TMEM67: variants seen among roughly 807,000 people sequenced by gnomAD.
TMEM67 encodes meckelin.
Under a neutral mutation model 136.6 loss-of-function variants are expected in TMEM67, and 124 were observed. The ratio of observed to expected loss-of-function variants is 0.91; its 90% confidence interval spans 0.78 to 1.05. The LOEUF is 1.05. Ranked by LOEUF, TMEM67 falls within the 50% of genes least tolerant of loss-of-function variation. The pLI, the probability that TMEM67 is intolerant of heterozygous loss-of-function variation, is 0.00. For missense variants in TMEM67, 1,107 were observed against 1,178.4 expected, an observed-to-expected ratio of 0.94 and a Z score of 0.89; for synonymous variants, 364 against 390.5, an observed-to-expected ratio of 0.93 and a Z score of 0.80.
chr8:93,791,106 CTATT>C, intron 14 of TMEM67, 153 bp from the exon 15 acceptor site: 1 of 581,924 alleles, frequency 1.7e-6, no homozygotes, highest in Non-Finnish European at 3.1e-6. Flanking sequence ...AAAAGCATAT[CTATT>C]TACGTGTAAG....
At chr8:93,781,370 TGAG>T (rs1813819510) in intron 9 of TMEM67, among the ~76,000 whole-genome samples, 1 of 152,218 alleles carries the variant, frequency 6.6e-6, no homozygotes, top group Non-Finnish European at 1.5e-5. Context: ...CCTTCCAGAA[TGAG>T]GAGATACTAT....
intron 21 of TMEM67, among the ~76,000 whole-genome samples, chr8:93,800,724 T>C (rs1814835393): frequency 6.6e-6 from 1 of 152,136 alleles, no homozygotes; most frequent in Non-Finnish European, 1.5e-5. Flanking sequence ...TTCTTGTCAA[T>C]AGTGGGGCTC....
intron 7 of TMEM67, among the ~76,000 whole-genome samples, chr8:93,778,197 A>G (rs1813645175): frequency 1.3e-5 from 2 of 152,012 alleles, no homozygotes; most frequent in South Asian, 2.1e-4. Flanking sequence ...TTTGCTTTCC[A>G]TTTGCTTGGT....
chr8:93,780,160 G>C (rs1248635121), intron 7 of TMEM67, among the ~76,000 whole-genome samples: 1 of 151,958 alleles, frequency 6.6e-6, no homozygotes, highest in South Asian at 2.1e-4. Context: ...GGCTCTGTAG[G>C]CGTGGGACCC....
At chr8:93,770,374 A>C (rs1229665920) in intron 6 of TMEM67, among the ~76,000 whole-genome samples, 1 of 152,188 alleles carries the variant, frequency 6.6e-6, no homozygotes. Context: ...AGGAATTTAA[A>C]ATTAACATAA....
At chr8:93,763,177 A>G in intron 3 of TMEM67, 1 of 194,120 alleles carries the variant, frequency 5.2e-6, no homozygotes, top group Non-Finnish European at 1.1e-5. Context: ...TGATCCACCC[A>G]CCTTAGCCTC....
intron 14 of TMEM67, among the ~76,000 whole-genome samples, chr8:93,788,233 A>G (rs1360490487): frequency 1.3e-5 from 2 of 152,126 alleles, no homozygotes; most frequent in Admixed American, 6.5e-5. Flanking sequence ...GAGATGTTCA[A>G]TGTCTGCTCC....
the TMEM67 span, among the ~76,000 whole-genome samples, chr8:93,825,298 G>GA: frequency 7.2e-5 from 11 of 152,136 alleles, no homozygotes; most frequent in Non-Finnish European, 1.5e-4. Flanking sequence ...CAGTGCTCCA[G>GA]AAAAAACAGT....
chr8:93,794,309 TTTTA>T (rs1814513525), intron 16 of TMEM67, among the ~76,000 whole-genome samples: 1 of 152,222 alleles, frequency 6.6e-6, no homozygotes, highest in Non-Finnish European at 1.5e-5. Flanking sequence ...ATAGTCCACA[TTTTA>T]TTCTATTAAC....
chr8:93,827,607 A>G, the TMEM67 span, among the ~76,000 whole-genome samples: 24 of 123,220 alleles, frequency 1.9e-4, no homozygotes, highest in African/African-American at 7.3e-4. Flanking sequence ...TTTTTTGCCT[A>G]ATTTTTTGGC....
downstream of TMEM67, among the ~76,000 whole-genome samples, chr8:93,823,140 G>T (rs1339957142): frequency 6.6e-6 from 1 of 152,160 alleles, no homozygotes; most frequent in African/African-American, 2.4e-5. Context: ...CAACATAAAA[G>T]TATCATCTTA....
chr8:93,755,327 A>G lies in TMEM67; in HGVS notation c.223+190A>G, dbSNP rs532314661. ...GAGCCACCGCGCCTGGCCCGAATACATGTATATTGTTTAGTGACGTAGAAA... is the reference window on the plus strand; with the variant it reads ...GAGCCACCGCGCCTGGCCCGAATACGTGTATATTGTTTAGTGACGTAGAAA... On this transcript the variant is annotated intron_variant, in intron 1 of 27. Coordinates refer to ENST00000453321, the MANE Select transcript of TMEM67 (RefSeq NM_153704.6). Among the ~76,000 whole-genome samples, 5 of 152,264 alleles carry G rather than the reference A, an allele frequency of 3.3e-5. No individual in the cohort carries two copies. The South Asian group carries it at 1.0e-3, about 32-fold the overall frequency.
At chr8:93,771,950 C>T (rs955150242) in intron 6 of TMEM67, among the ~76,000 whole-genome samples, 1 of 152,162 alleles carries the variant, frequency 6.6e-6, no homozygotes. Context: ...AGACGATTTT[C>T]TCTGAATGGT....
downstream of TMEM67, among the ~76,000 whole-genome samples, chr8:93,823,580 G>C (rs2130812841): frequency 6.6e-6 from 1 of 152,250 alleles, no homozygotes; most frequent in Non-Finnish European, 1.5e-5. Context: ...AAGAGCAGAA[G>C]CTGGCCAGGA....
intron 6 of TMEM67, among the ~76,000 whole-genome samples, chr8:93,769,347 T>C (rs1813232117): frequency 6.6e-6 from 1 of 152,236 alleles, no homozygotes; most frequent in Non-Finnish European, 1.5e-5. Flanking sequence ...TCCATATCCC[T>C]GCATCCCACA....
the TMEM67 span, among the ~76,000 whole-genome samples, chr8:93,831,116 A>G: frequency 6.6e-6 from 1 of 152,254 alleles, no homozygotes; most frequent in Non-Finnish European, 1.5e-5. Flanking sequence ...CATGGGGAGC[A>G]TAGAAAGCAC....
At position 93,795,912 on chromosome 8, in the gene TMEM67, T is replaced by C. The variant is rs756722828; in HGVS notation, c.1785T>C (p.Ser595=). The C allele has an allele frequency of 6.2e-6, 10 of 1,605,412 alleles. No homozygotes were observed. The highest frequency in any genetic ancestry group is 7.7e-6 in the Non-Finnish European group (9 of 1,172,264). The change falls in exon 18 of 28, where the codon TCT becomes TCC. Residue 595 remains serine, a synonymous_variant. Coordinates refer to ENST00000453321, the MANE Select transcript of TMEM67 (RefSeq NM_153704.6). ...YWLIFFKAQK[S]VSVLLPMPIQ... is the part of the protein sequence containing the mutation. ...AATTTTTATTATAGGCACAGAAGTC[T>C]GTGTCTGTTTTGCTGCCAATGCCAA... is the stretch of plus-strand genomic sequence containing the variant.
At chr8:93,762,210 C>T (rs3134022) in intron 3 of TMEM67, among the ~76,000 whole-genome samples, 42,478 of 151,858 alleles carry the variant, frequency 0.28, 5,976 homozygotes, top group South Asian at 0.34. Context: ...AGTGAGATCA[C>T]GCCACTGTGC....
chr8:93,770,240 G>T (rs896708662), intron 6 of TMEM67, among the ~76,000 whole-genome samples: 1 of 151,950 alleles, frequency 6.6e-6, no homozygotes, highest in Non-Finnish European at 1.5e-5. Context: ...AAATATATAC[G>T]CAAACACAAT....
Sources: allele counts gnomAD v4.1 joint callset (sites outside exome capture counted in the v4.1 genomes callset), GRCh38; gene constraint gnomAD v4.1.1; transcripts MANE v1.5; gene names NCBI Gene and HGNC (gene_info 2026-07-23, HGNC 2026-07-21).